Variants in MARCHF1 observed in about 807,000 individuals in gnomAD.
MARCHF1 encodes membrane associated ring-CH-type finger 1.
MARCHF1 carries 40 observed loss-of-function variants against 54.2 expected under a neutral mutation model. The observed-to-expected ratio is 0.74, with a 90% CI of 0.57 to 0.96. MARCHF1 has a LOEUF of 0.96. MARCHF1 is among the 40% of genes least tolerant of loss of function. The pLI, the probability that MARCHF1 is intolerant of heterozygous loss-of-function variation, is 0.00. For synonymous variants in MARCHF1, 236 were observed against 236.3 expected, an observed-to-expected ratio of 1.00 and a Z score of 0.01; for missense variants, 586 against 656.5, an observed-to-expected ratio of 0.89 and a Z score of 1.17.
At chr4:163,772,749 C>A (rs1046744634) in intron 4 of MARCHF1, among the ~76,000 whole-genome samples, 1 of 24,200 alleles carries the variant, frequency 4.1e-5, no homozygotes, top group Non-Finnish European at 1.8e-4. Context: ...TAGGCTAGGG[C>A]GTTCAAATAA....
intron 1 of MARCHF1, among the ~76,000 whole-genome samples, chr4:164,305,845 G>C (rs7658793): frequency 0.65 from 99,473 of 151,890 alleles, 32,953 homozygotes; most frequent in African/African-American, 0.75. Context: ...CACATTGTAC[G>C]CATGTATTGA....
chr4:164,054,368 G>A (rs897955155), intron 2 of MARCHF1, among the ~76,000 whole-genome samples: 9 of 151,974 alleles, frequency 5.9e-5, no homozygotes, highest in Admixed American at 4.6e-4. Flanking sequence ...TCAGTGTGGC[G>A]ATTCCTCAGG....
At chr4:163,862,927 T>C (rs1280125610) in intron 3 of MARCHF1, among the ~76,000 whole-genome samples, 4 of 152,070 alleles carry the variant, frequency 2.6e-5, no homozygotes, top group African/African-American at 9.7e-5. Flanking sequence ...GAATGAATAT[T>C]AAATGCATAT....
chr4:164,056,693 C>G (rs562297258), intron 2 of MARCHF1, among the ~76,000 whole-genome samples: 1 of 152,328 alleles, frequency 6.6e-6, no homozygotes, highest in Non-Finnish European at 1.5e-5. Context: ...GTGATTCATG[C>G]TCAGCAAGAG....
chr4:164,268,425 C>G (rs746049994), intron 1 of MARCHF1, among the ~76,000 whole-genome samples: 2 of 152,094 alleles, frequency 1.3e-5, no homozygotes, highest in Non-Finnish European at 2.9e-5. Context: ...TTAGACATAG[C>G]AGGTTTGACA....
intron 1 of MARCHF1, among the ~76,000 whole-genome samples, chr4:164,350,693 G>T (rs1348706907): frequency 6.6e-6 from 1 of 152,182 alleles, no homozygotes; most frequent in African/African-American, 2.4e-5. Context: ...ATATACCAAA[G>T]CATAGTACAA....
chr4:164,276,934 C>CTA (rs373542049), intron 1 of MARCHF1, among the ~76,000 whole-genome samples: 450 of 115,412 alleles, frequency 3.9e-3, no homozygotes, highest in African/African-American at 0.013. Context: ...GTCTCATATT[C>CTA]TATATATATA....
intron 2 of MARCHF1, among the ~76,000 whole-genome samples, chr4:164,044,120 C>T (rs1488783500): frequency 3.9e-5 from 6 of 152,186 alleles, no homozygotes; most frequent in Non-Finnish European, 5.9e-5. Context: ...GCCCTCCAAG[C>T]TGTTTCAAAC....
intron 1 of MARCHF1, among the ~76,000 whole-genome samples, chr4:164,198,444 C>G (rs1731344727): frequency 6.6e-6 from 1 of 152,130 alleles, no homozygotes; most frequent in Non-Finnish European, 1.5e-5. Context: ...TTTTAATGAG[C>G]AAGGAAAATA....
chr4:163,876,637 T>C (rs1381193120), intron 3 of MARCHF1, among the ~76,000 whole-genome samples: 1 of 152,066 alleles, frequency 6.6e-6, no homozygotes, highest in Non-Finnish European at 1.5e-5. Flanking sequence ...ACAAATTTGG[T>C]AGGCATCAGG....
intron 2 of MARCHF1, among the ~76,000 whole-genome samples, chr4:164,101,001 G>T (rs143992395): frequency 6.6e-6 from 1 of 152,202 alleles, no homozygotes; most frequent in South Asian, 2.1e-4. Flanking sequence ...AAGGGGTGAC[G>T]GACTGCACCT....
At chr4:163,850,240 G>A (rs1192618350) in intron 4 of MARCHF1, among the ~76,000 whole-genome samples, 1 of 152,166 alleles carries the variant, frequency 6.6e-6, no homozygotes, top group Non-Finnish European at 1.5e-5. Context: ...CAGGGGTCTG[G>A]GTCCTAGATC....
rs71925488 is a variant in MARCHF1, at chr4:163,737,164, CTTTT to C, written c.112-36305_112-36302del. Among the ~76,000 whole-genome samples, 12 of 72,084 alleles carry C rather than the reference CTTTT, an allele frequency of 1.7e-4. 1 individual carries two copies. The highest frequency in any genetic ancestry group is 1.4e-3 in the South Asian group (3 of 2,210). The allele number at this position is 72,084 out of a possible 152,430, so 47.3% of individuals were successfully genotyped here. A position where few individuals can be genotyped will look rare whatever the true frequency, so the allele number is the denominator to read the frequency against. On this transcript the variant is annotated intron_variant, in intron 4 of 9. Coordinates refer to ENST00000514618, the MANE Select transcript of MARCHF1 (RefSeq NM_001394959.1). Reference sequence around the variant, plus strand: ...ATCAGCGCTCGCAGCTTTTTTCTTTCTTTTTTTTTTTTTTTTTTCACATATTAGT... The same window carrying C: ...ATCAGCGCTCGCAGCTTTTTTCTTTCTTTTTTTTTTTTTTCACATATTAGT...
chr4:163,692,604 T>A (rs1744499740), intron 5 of MARCHF1, among the ~76,000 whole-genome samples: 1 of 151,706 alleles, frequency 6.6e-6, no homozygotes, highest in Non-Finnish European at 1.5e-5. Flanking sequence ...CCTGAAAGAA[T>A]TTATGTTTTA....
intron 1 of MARCHF1, among the ~76,000 whole-genome samples, chr4:164,112,272 C>T (rs191509896): frequency 6.6e-6 from 1 of 151,978 alleles, no homozygotes; most frequent in Non-Finnish European, 1.5e-5. Context: ...TATAAAACAA[C>T]ACCAACTATT....
At chr4:164,116,650 C>T (rs1013801138) in intron 1 of MARCHF1, among the ~76,000 whole-genome samples, 4 of 151,964 alleles carry the variant, frequency 2.6e-5, no homozygotes, top group African/African-American at 9.7e-5. Context: ...TTAATAATTA[C>T]AATTACTCAG....
At chr4:163,741,986 CTCA>C (rs1471351845) in intron 4 of MARCHF1, among the ~76,000 whole-genome samples, 1 of 152,096 alleles carries the variant, frequency 6.6e-6, no homozygotes, top group Non-Finnish European at 1.5e-5. Context: ...TTTGTTTAGT[CTCA>C]TCATCTGAAG....
chr4:164,175,551 G>T (rs774481815), intron 1 of MARCHF1, among the ~76,000 whole-genome samples: 8 of 152,226 alleles, frequency 5.3e-5, no homozygotes, highest in Non-Finnish European at 8.8e-5. Flanking sequence ...GTCAGCTGTT[G>T]CTGTGAAGGT....
intron 4 of MARCHF1, among the ~76,000 whole-genome samples, chr4:163,763,545 A>G (rs572995634): frequency 1.3e-5 from 2 of 152,194 alleles, no homozygotes; most frequent in South Asian, 4.1e-4. Flanking sequence ...AACTGGGACT[A>G]TGACAAACAA....
Sources: gnomAD v4.1 joint callset for allele counts (sites outside exome capture counted in the v4.1 genomes callset) on GRCh38, gnomAD v4.1.1 for gene constraint, MANE v1.5 for transcripts, NCBI Gene and HGNC (gene_info 2026-07-23, HGNC 2026-07-21) for gene names.